TBCE: variants seen among roughly 807,000 people sequenced by gnomAD.
The protein encoded by TBCE is tubulin-specific chaperone E.
TBCE carries 53 observed loss-of-function variants against 77.0 expected under a neutral mutation model. That is an observed-to-expected ratio of 0.69 (90% CI 0.55 to 0.87). The LOEUF (loss-of-function observed/expected upper bound fraction) is 0.87. Among genes scored for constraint, TBCE ranks in the 40% least tolerant of loss-of-function variants. The pLI, the probability that TBCE is intolerant of heterozygous loss-of-function variation, is 0.00. For synonymous variants in TBCE, 235 were observed against 241.3 expected (o/e 0.97, Z 0.24); for missense variants, 624 against 622.4 (o/e 1.00, Z -0.03).
At chr1:235,408,537 A>C (rs1007114785) in intron 3 of TBCE, among the ~76,000 whole-genome samples, 3 of 152,008 alleles carry the variant, frequency 2.0e-5, no homozygotes, top group African/African-American at 7.3e-5. Flanking sequence ...GGTTTTCTTG[A>C]ATCAGAGCAA....
At chr1:235,433,522 A>G (rs1681228456) in intron 7 of TBCE, 1 of 151,584 alleles carries the variant, frequency 6.6e-6, no homozygotes. Flanking sequence ...ATACCCGGCC[A>G]TTTTTGTATT....
Position 235,369,475 on chromosome 1 carries a change from C to G in TBCE, c.-32+1971C>G, listed in dbSNP as rs987534540. Among the ~76,000 whole-genome samples the G allele has an allele frequency of 7.3e-5, 11 of 151,568 alleles. No homozygotes were observed. The South Asian group carries it at 1.9e-3, about 26-fold the overall frequency. On this transcript the variant is annotated intron_variant, in intron 1 of 16. Transcript: ENST00000642610. ...TGAGCCGAGATCGTGCCACTGCACT[C>G]CAGCCTGGCGATAGAGCAAGACTCT...
chr1:235,380,257 T>C, intron 2 of TBCE, 108 bp downstream of exon 2: 1 of 1,102,222 alleles, frequency 9.1e-7, no homozygotes, highest in South Asian at 1.3e-5. Flanking sequence ...TAGCACTTTA[T>C]ACCACAAATT....
intron 7 of TBCE, chr1:235,433,914 C>T (rs1461019121): frequency 2.1e-6 from 1 of 480,826 alleles, no homozygotes; most frequent in Non-Finnish European, 3.8e-6. Context: ...CAGTTAGTAT[C>T]TCCTGTTCCA....
At chr1:235,374,701 A>G (rs1254708517) in intron 1 of TBCE, among the ~76,000 whole-genome samples, 3 of 143,192 alleles carry the variant, frequency 2.1e-5, no homozygotes, top group Non-Finnish European at 4.5e-5. Context: ...GGGTTTCACC[A>G]TGTTGGCCAG....
intron 5 of TBCE, among the ~76,000 whole-genome samples, chr1:235,423,042 C>T (rs142442024): frequency 4.9e-4 from 75 of 152,338 alleles, no homozygotes; most frequent in African/African-American, 1.7e-3. Flanking sequence ...AAATGTCTTG[C>T]AGCTCCCGAT....
intron 8 of TBCE, among the ~76,000 whole-genome samples, chr1:235,435,383 G>A (rs998362727): frequency 6.6e-6 from 1 of 152,194 alleles, no homozygotes; most frequent in Non-Finnish European, 1.5e-5. Context: ...TTACAGGTGT[G>A]AGCCACCGTG....
intron 7 of TBCE, 132 bp downstream of exon 7, chr1:235,430,936 T>A: frequency 2.7e-6 from 2 of 750,582 alleles, no homozygotes; most frequent in Non-Finnish European, 4.5e-6. Context: ...TATTAATAGA[T>A]AACAAGATTC....
chr1:235,444,545 A>G (rs2102944006), intron 15 of TBCE, among the ~76,000 whole-genome samples: 1 of 152,256 alleles, frequency 6.6e-6, no homozygotes, highest in African/African-American at 2.4e-5. Flanking sequence ...CTGGGACTAT[A>G]GGCACGAACC....
At chr1:235,441,562 G>A in intron 13 of TBCE, 1 of 523,228 alleles carries the variant, frequency 1.9e-6, no homozygotes, top group East Asian at 3.3e-5. Context: ...CTTTTGTTGA[G>A]TTTCACTGGT....
chr1:235,448,698 ATGACCTAAAGTCAT>A lies in TBCE; in HGVS notation c.1522_1535del (p.Asp508ThrfsTer20). 1 of 1,614,176 alleles carries A rather than the reference ATGACCTAAAGTCAT, an allele frequency of 6.2e-7. No homozygotes were observed. The highest frequency in any genetic ancestry group is 1.1e-5 in the South Asian group (1 of 91,082). ...CCGGGCAGAGAAATCGAGCTGGAAA[ATGACCTAAAGTCAT>A]TACAGTTTTATTCTGTGGAAAATGG... On this transcript the variant is annotated frameshift_variant, in exon 17 of 17. Transcript: ENST00000642610. LOFTEE classifies it high-confidence loss of function.
intron 2 of TBCE, among the ~76,000 whole-genome samples, chr1:235,383,865 T>C (rs922416401): frequency 1.4e-4 from 22 of 151,878 alleles, no homozygotes; most frequent in Non-Finnish European, 2.9e-4. Flanking sequence ...TGAATAGGAG[T>C]GGTGAGAGAG....
At chr1:235,434,551 T>TTTTTTC (rs1395381557) in intron 8 of TBCE, among the ~76,000 whole-genome samples, 1 of 151,414 alleles carries the variant, frequency 6.6e-6, no homozygotes, top group South Asian at 2.1e-4. Context: ...TTCTTTTTCT[T>TTTTTTC]TTTTTGAGAC....
chr1:235,404,312 C>T (rs914616753), intron 3 of TBCE, among the ~76,000 whole-genome samples: 8 of 150,004 alleles, frequency 5.3e-5, no homozygotes, highest in South Asian at 4.2e-4. Flanking sequence ...TGGGGTGGTA[C>T]GGGTGGTATG....
chr1:235,376,717 T>G (rs1196061516), intron 1 of TBCE, among the ~76,000 whole-genome samples: 1 of 152,158 alleles, frequency 6.6e-6, no homozygotes, highest in African/African-American at 2.4e-5. Flanking sequence ...GGCTCACACC[T>G]GTAATCCCAG....
At chr1:235,446,972 A>C (rs1443680546) in intron 15 of TBCE, among the ~76,000 whole-genome samples, 1 of 152,056 alleles carries the variant, frequency 6.6e-6, no homozygotes, top group African/African-American at 2.4e-5. Context: ...GGCCAGGCAG[A>C]TTTCTTATTA....
At chr1:235,412,087 T>A (rs1158497161) in intron 3 of TBCE, among the ~76,000 whole-genome samples, 3 of 79,408 alleles carry the variant, frequency 3.8e-5, no homozygotes, top group Admixed American at 1.3e-4. Flanking sequence ...CACCACACTC[T>A]CCAAGTTTCC....
At chr1:235,373,082 C>A (rs994014436) in intron 1 of TBCE, among the ~76,000 whole-genome samples, 2 of 151,834 alleles carry the variant, frequency 1.3e-5, no homozygotes, top group Non-Finnish European at 2.9e-5. Context: ...ACCTGTAATC[C>A]CAGCACTTTG....
chr1:235,404,681 T>C (rs1572372317), intron 3 of TBCE, among the ~76,000 whole-genome samples: 1 of 152,044 alleles, frequency 6.6e-6, no homozygotes, highest in East Asian at 1.9e-4. Flanking sequence ...AATTTTTTTT[T>C]TTTTTGGGAT....
Sources: gnomAD v4.1 joint callset for allele counts (sites outside exome capture counted in the v4.1 genomes callset) on GRCh38, gnomAD v4.1.1 for gene constraint, MANE v1.5 for transcripts, NCBI Gene and HGNC (gene_info 2026-07-23, HGNC 2026-07-21) for gene names.